The following CHI3L1 variants were observed in gnomAD, a reference collection of about 807,000 sequenced individuals.
The protein encoded by CHI3L1 is chitinase 3 like 1.
A neutral mutation model predicts 40.7 loss-of-function variants in CHI3L1; 30 were observed. The observed-to-expected ratio is 0.74, with a 90% confidence interval of 0.55 to 1.00. The LOEUF (loss-of-function observed/expected upper bound fraction) is 1.00. Among genes scored for constraint, CHI3L1 ranks in the 50% least tolerant of loss-of-function variants. CHI3L1 has a pLI of 0.00. For missense variants in CHI3L1, 493 were observed against 492.2 expected (o/e 1.00, Z -0.01); for synonymous variants, 210 against 192.1 (o/e 1.09, Z -0.77).
Position 203,180,619 on chromosome 1 carries a change from C to A in CHI3L1, c.745G>T (p.Ala249Ser). ...YAVGYMLRLG[A>S]PASKLVMGIP... ...CCCATCACCAGCTTACTGGCAGGAG[C>A]CCCCAGCCTCAACATGTACCCCACA... Residue 249 changes from alanine to serine, a missense_variant, in exon 8 of 10, where the codon GCT becomes TCT. By Grantham distance (99) the Ala-to-Ser change is moderately conservative (BLOSUM62 1). Transcript: ENST00000255409. 1.2e-6 allele frequency: 2 copies of A among 1,611,692 alleles called. No homozygotes were observed. The highest frequency in any genetic ancestry group is 1.7e-6 in the Non-Finnish European group (2 of 1,179,008).
intron 4 of CHI3L1, among the ~76,000 whole-genome samples, chr1:203,184,282 G>A (rs964735861): frequency 6.6e-6 from 1 of 152,164 alleles, no homozygotes; most frequent in Non-Finnish European, 1.5e-5. Context: ...CAGCCCTAAT[G>A]GTGGTAGCCC....
Position 203,179,986 on chromosome 1 carries a change from G to A in CHI3L1, c.895-109C>T, listed in dbSNP as rs1389001071. 8.1e-6 allele frequency: 8 copies of A among 991,582 alleles called. No individual in the cohort carries two copies. In the African/African-American group the frequency reaches 1.3e-4, roughly 16 times the overall value. 61.4% of individuals were successfully genotyped at this position (991,582 alleles called of 1,614,324 possible). A position where few individuals can be genotyped will look rare whatever the true frequency, so the allele number is the denominator to read the frequency against. On this transcript the variant is annotated intron_variant, in intron 8 of 9. Transcript: ENST00000255409. ...CTTTTAGCTCCTGCTCCATCCTGCA[G>A]CCTCACTCTCTGCAGGGTCTGCAGG...
At position 203,185,167 on chromosome 1, in the gene CHI3L1, G is replaced by A. The variant is rs1558149422; in HGVS notation, c.257+17C>T. On this transcript the variant is annotated intron_variant, in intron 3 of 9. Coordinates refer to ENST00000255409, the MANE Select transcript of CHI3L1 (RefSeq NM_001276.4). ...AGCCCAGCTGGTCCCTCCTCTCCTG[G>A]CCAGCCCTGGCCCAACCTGTTCTTG... The A allele has an allele frequency of 6.2e-7, 1 of 1,612,202 alleles. No individual in the cohort carries two copies. The highest frequency in any genetic ancestry group is 8.5e-7 in the Non-Finnish European group (1 of 1,178,894).
rs766992802 is a variant in CHI3L1 at position 203,183,811 on chromosome 1, T to C, written c.315-20A>G. Reference sequence around the variant, plus strand: ...GAAAATCTAGGACCAAAATCAGCCCTGTAGCATGCTCAGCACTGATATGCT... The same window carrying C: ...GAAAATCTAGGACCAAAATCAGCCCCGTAGCATGCTCAGCACTGATATGCT... On this transcript the variant is annotated intron_variant, in intron 4 of 9. Coordinates refer to ENST00000255409, the MANE Select transcript of CHI3L1 (RefSeq NM_001276.4). 3.7e-6 allele frequency: 6 copies of C among 1,614,078 alleles called. No individual in the cohort carries two copies. The Admixed American group carries it at 1.0e-4, about 27-fold the overall frequency.
Position 203,180,664 on chromosome 1 carries a change from AG to A in CHI3L1, c.712-13del. 2 of 787,312 alleles carry A rather than the reference AG, an allele frequency of 2.5e-6. No homozygotes were observed. The highest frequency in any genetic ancestry group is 4.2e-6 in the Non-Finnish European group (2 of 480,570). 48.8% of individuals were successfully genotyped at this position (787,312 alleles called of 1,614,324 possible). Reference sequence around the variant, plus strand: ...CCCACAGCATAGTCCTGGGTGGGGTAGGGTGGGAACAACGTGAGCAGTTAGT... The same window carrying A: ...CCCACAGCATAGTCCTGGGTGGGGTAGGTGGGAACAACGTGAGCAGTTAGT... On this transcript the variant is annotated splice_polypyrimidine_tract_variant and intron_variant, in intron 7 of 9. Coordinates refer to ENST00000255409, the MANE Select transcript of CHI3L1 (RefSeq NM_001276.4).
In CHI3L1 at chr1:203,183,527, G is replaced by T. The variant is rs752709390; in HGVS notation, c.465+114C>A. ...CAGGGTCCCAGGACACTGCCCTGAGGCTGAAGTCCCTCTTTACCTGTCCTC... is the reference window on the plus strand; with the variant it reads ...CAGGGTCCCAGGACACTGCCCTGAGTCTGAAGTCCCTCTTTACCTGTCCTC... On this transcript the variant is annotated intron_variant, in intron 5 of 9. Coordinates refer to ENST00000255409, the MANE Select transcript of CHI3L1 (RefSeq NM_001276.4). 1.7e-4 allele frequency: 187 copies of T among 1,114,756 alleles called. 1 individual carries two copies. The Middle Eastern group carries it at 3.8e-3, about 23-fold the overall frequency. The allele number at this position is 1,114,756 out of a possible 1,614,324, so 69.1% of individuals were successfully genotyped here.
intron 4 of CHI3L1, among the ~76,000 whole-genome samples, chr1:203,184,287 T>C (rs974723777): frequency 1.3e-5 from 2 of 152,182 alleles, no homozygotes; most frequent in Non-Finnish European, 2.9e-5. Context: ...CTAATGGTGG[T>C]AGCCCCAGAA....
chr1:203,181,335 G>A (rs1399706649), intron 6 of CHI3L1, 50 bp from the exon 7 acceptor site: 1 of 1,598,266 alleles, frequency 6.3e-7, no homozygotes, highest in South Asian at 1.1e-5. Flanking sequence ...TAATAGAAAA[G>A]CTTTAGGCCG....
In CHI3L1 at chr1:203,184,609, A is replaced by G; in HGVS notation, c.281T>C (p.Leu94Ser). Residue 94 changes from leucine (L) to serine (S), a missense_variant, in exon 4 of 10, where the codon TTG becomes TCG. Coordinates refer to ENST00000255409, the MANE Select transcript of CHI3L1 (RefSeq NM_001276.4). ...CCCAAAGTTCCATCCTCCGACAGAC[A>G]AGAGAGTCTTCAGGTTGGGGTTCCT... ...KNRNPNLKTL[L>S]SVGGWNFGSQ... 1 of 1,614,044 alleles carries G rather than the reference A, an allele frequency of 6.2e-7. No homozygotes were observed. The highest frequency in any genetic ancestry group is 8.5e-7 in the Non-Finnish European group (1 of 1,179,934).
chr1:203,182,408 A>G (rs1655954753), intron 6 of CHI3L1, among the ~76,000 whole-genome samples: 1 of 152,230 alleles, frequency 6.6e-6, no homozygotes, highest in African/African-American at 2.4e-5. Context: ...TGTGGAGAAA[A>G]TACTCTGCAA....
intron 8 of CHI3L1, 186 bp from the exon 9 acceptor site, chr1:203,180,063 G>A: frequency 1.6e-6 from 1 of 617,392 alleles, no homozygotes; most frequent in Non-Finnish European, 2.8e-6. Context: ...ACCCAGAGAT[G>A]GTGGCTGCCT....
intron 3 of CHI3L1, 27 bp downstream of exon 3, chr1:203,185,157 T>A (rs1389817123): frequency 3.1e-6 from 5 of 1,607,566 alleles, no homozygotes; most frequent in Non-Finnish European, 4.3e-6. Context: ...AGCTGGTCCC[T>A]CCTCTCCTGG....
chr1:203,182,700 C>T (rs764017576), intron 6 of CHI3L1, 31 bp downstream of exon 6: 1 of 1,613,324 alleles, frequency 6.2e-7, no homozygotes, highest in South Asian at 1.1e-5. Flanking sequence ...GGCAGAGGTT[C>T]TGGGGAGGCT....
At chr1:203,183,534 T>A in intron 5 of CHI3L1, 107 bp downstream of exon 5, 1 of 1,181,152 alleles carries the variant, frequency 8.5e-7, no homozygotes. Flanking sequence ...GAGGCTGAAG[T>A]CCCTCTTTAC....
At chr1:203,186,491 C>A (rs555936535) in intron 1 of CHI3L1, 108 bp downstream of exon 1, 14 of 1,546,434 alleles carry the variant, frequency 9.1e-6, no homozygotes, top group South Asian at 8.9e-5. Flanking sequence ...TTCTCCTCCC[C>A]CTCTGCCCAC....
At chr1:203,186,195 G>T in intron 2 of CHI3L1, 121 bp downstream of exon 2, 1 of 1,051,470 alleles carries the variant, frequency 9.5e-7, no homozygotes, top group Non-Finnish European at 1.4e-6. Context: ...CTATTTCGAA[G>T]TCATTGGAAG....
intron 7 of CHI3L1, 106 bp downstream of exon 7, chr1:203,181,056 C>T: frequency 7.1e-7 from 1 of 1,406,072 alleles, no homozygotes; most frequent in Non-Finnish European, 9.6e-7. Context: ...CTCATGACCC[C>T]CCTCTTGCAG....
chr1:203,180,997 G>A (rs1655924924), intron 7 of CHI3L1, among the ~76,000 whole-genome samples, 165 bp downstream of exon 7: 1 of 152,116 alleles, frequency 6.6e-6, no homozygotes, highest in Non-Finnish European at 1.5e-5. Flanking sequence ...CCAGAGCAAC[G>A]CAGCATGCCC....
chr1:203,183,712 A>T lies in CHI3L1; in HGVS notation c.394T>A (p.Phe132Ile), dbSNP rs1330072816. 6.2e-7 allele frequency: 1 copy of T among 1,614,044 alleles called. No homozygotes were observed. Among genetic ancestry groups the T allele is most frequent in the African/African-American group, 1.3e-5 (1 of 74,896 alleles). ...SVPPFLRTHG[F>I]DGLDLAWLYP... is the part of the protein sequence containing the mutation. ...AGCCAGGCAAGGTCCAGCCCATCAA[A>T]GCCATGGGTGCGCAGAAATGGCGGT... The change falls in exon 5 of 10, where the codon TTT becomes ATT. Residue 132 changes from phenylalanine (F) to isoleucine (I), a missense_variant. By Grantham distance (21) the Phe-to-Ile change is conservative (BLOSUM62 0). Transcript: ENST00000255409.
Sources: allele counts gnomAD v4.1 joint callset (sites outside exome capture counted in the v4.1 genomes callset), GRCh38; gene constraint gnomAD v4.1.1; transcripts MANE v1.5; gene names NCBI Gene and HGNC (gene_info 2026-07-23, HGNC 2026-07-21).